IL1RAPL2: variants seen among roughly 807,000 people sequenced by gnomAD.
The protein encoded by IL1RAPL2 is X-linked interleukin-1 receptor accessory protein-like 2.
A neutral mutation model predicts 44.1 loss-of-function variants in IL1RAPL2; 3 were observed. The observed-to-expected ratio is 0.07, with a 90% confidence interval of 0.03 to 0.18. The LOEUF (loss-of-function observed/expected upper bound fraction) is 0.18, where lower values mean the gene tolerates loss of function less well. IL1RAPL2 is among the 10% of genes least tolerant of loss of function. The probability of loss-of-function intolerance (pLI) is 1.00; values close to 1 mark genes in which losing one functional copy is unlikely to be tolerated. For synonymous variants in IL1RAPL2, 181 were observed against 178.8 expected (o/e 1.01, Z -0.10); for missense variants, 391 against 496.4 (o/e 0.79, Z 2.02).
chrX:105,358,399 G>A (rs1482804288), intron 5 of IL1RAPL2, among the ~76,000 whole-genome samples: 1 of 107,595 alleles, frequency 9.3e-6, no homozygotes, highest in Non-Finnish European at 1.9e-5. Context: ...CTGCTAACTG[G>A]GCACAGTGGC....
At chrX:105,512,350 T>G (rs1322828325) in intron 6 of IL1RAPL2, among the ~76,000 whole-genome samples, 2 of 111,311 alleles carry the variant, frequency 1.8e-5, no homozygotes, top group Admixed American at 1.9e-4. Flanking sequence ...TGTTTTCCTG[T>G]AGATAGGAAA....
chrX:104,606,180 A>C (rs1481368693), intron 1 of IL1RAPL2, among the ~76,000 whole-genome samples: 1 of 112,201 alleles, frequency 8.9e-6, no homozygotes, highest in African/African-American at 3.2e-5. Flanking sequence ...GCAAATCAAT[A>C]AACATAATCC....
intron 2 of IL1RAPL2, among the ~76,000 whole-genome samples, chrX:105,033,139 C>T (rs991016378): frequency 1.8e-5 from 2 of 111,388 alleles, no homozygotes; most frequent in African/African-American, 6.5e-5. Context: ...GATGGGTTTC[C>T]TGAATACAGC....
intron 1 of IL1RAPL2, among the ~76,000 whole-genome samples, chrX:104,596,608 T>G (rs1340246649): frequency 9.0e-6 from 1 of 111,341 alleles, no homozygotes; most frequent in Non-Finnish European, 1.9e-5. Context: ...TGTCCCTGCA[T>G]TGTTTGGCTT....
chrX:104,612,624 TTC>T (rs1929185836), intron 1 of IL1RAPL2, among the ~76,000 whole-genome samples: 1 of 111,910 alleles, frequency 8.9e-6, no homozygotes. Context: ...GCCTCCAGCT[TTC>T]TTTTTGTTTA....
At chrX:105,366,544 A>G (rs2035296811) in intron 5 of IL1RAPL2, among the ~76,000 whole-genome samples, 1 of 109,360 alleles carries the variant, frequency 9.1e-6, no homozygotes, top group African/African-American at 3.3e-5. Context: ...TGTTGTTTTC[A>G]TTTTCTTTAT....
chrX:104,568,018 A>G (rs1484676077), intron 1 of IL1RAPL2, among the ~76,000 whole-genome samples: 1 of 112,086 alleles, frequency 8.9e-6, no homozygotes, highest in African/African-American at 3.2e-5. Flanking sequence ...TGCCACCCAC[A>G]AAAGTTGTGA....
intron 5 of IL1RAPL2, among the ~76,000 whole-genome samples, chrX:105,299,234 T>C (rs1481243018): frequency 8.9e-6 from 1 of 112,128 alleles, no homozygotes; most frequent in East Asian, 2.8e-4. Context: ...TTTGGACATA[T>C]GCATGCTTCT....
intron 2 of IL1RAPL2, among the ~76,000 whole-genome samples, chrX:105,142,187 A>T (rs2033131096): frequency 8.9e-6 from 1 of 112,025 alleles, no homozygotes; most frequent in African/African-American, 3.2e-5. Flanking sequence ...CTTAGTCTTT[A>T]TCTCCATCCT....
At chrX:104,984,867 C>T (rs2030530562) in intron 2 of IL1RAPL2, among the ~76,000 whole-genome samples, 1 of 111,156 alleles carries the variant, frequency 9.0e-6, no homozygotes, top group Admixed American at 9.6e-5. Flanking sequence ...CTAAAACTGA[C>T]TGCAAAAAAT....
chrX:105,672,551 G>A (rs924232540), intron 6 of IL1RAPL2, among the ~76,000 whole-genome samples: 2 of 112,586 alleles, frequency 1.8e-5, no homozygotes, highest in South Asian at 7.4e-4. Context: ...CAGCTGAGTC[G>A]GGGTAGAAGT....
At chrX:105,200,732 C>T (rs1469377036) in intron 3 of IL1RAPL2, among the ~76,000 whole-genome samples, 1 of 111,229 alleles carries the variant, frequency 9.0e-6, no homozygotes, top group South Asian at 3.8e-4. Flanking sequence ...GCCAGTATGG[C>T]GAAACCCGGT....
At chrX:105,053,017 A>G (rs778108157) in intron 2 of IL1RAPL2, among the ~76,000 whole-genome samples, 2 of 110,512 alleles carry the variant, frequency 1.8e-5, no homozygotes, top group East Asian at 2.9e-4. Flanking sequence ...GATGATGGCT[A>G]GAATAATCAG....
Position 105,640,658 on chromosome X carries a change from A to G in IL1RAPL2, c.773-76709A>G, listed in dbSNP as rs747508112. Among the ~76,000 whole-genome samples the G allele has an allele frequency of 5.6e-3, 239 of 42,883 alleles. 1 individual carries two copies. The highest frequency in any genetic ancestry group is 9.4e-3 in the South Asian group (10 of 1,059). The allele number at this position is 42,883 out of a possible 115,157, so 37.2% of individuals were successfully genotyped here. ...ACACAAATTATGTATGTGTGTGTAT[A>G]TATATATATATATATATATATATAT... is the stretch of plus-strand genomic sequence containing the variant. On this transcript the variant is annotated intron_variant, in intron 6 of 10. Transcript: ENST00000372582.
chrX:105,686,373 T>A (rs1602521916), intron 6 of IL1RAPL2, among the ~76,000 whole-genome samples: 4 of 19,910 alleles, frequency 2.0e-4, no homozygotes, highest in Non-Finnish European at 3.3e-4. Flanking sequence ...ACCAAGCAAA[T>A]GGAAAGCAAA....
chrX:105,634,162 A>G (rs1030066812), intron 6 of IL1RAPL2, among the ~76,000 whole-genome samples: 7 of 111,202 alleles, frequency 6.3e-5, no homozygotes, highest in Non-Finnish European at 1.3e-4. Context: ...AAATCAATTA[A>G]TCATATTGAC....
intron 1 of IL1RAPL2, among the ~76,000 whole-genome samples, chrX:104,604,814 A>G (rs1928970406): frequency 9.0e-6 from 1 of 110,881 alleles, no homozygotes; most frequent in South Asian, 3.9e-4. Context: ...ACCCAGATTC[A>G]TGAAGCAAGT....
chrX:104,680,766 T>C (rs1459035927), intron 2 of IL1RAPL2, among the ~76,000 whole-genome samples: 2 of 112,104 alleles, frequency 1.8e-5, no homozygotes, highest in East Asian at 5.6e-4. Context: ...ATGAGGGCAG[T>C]CTACTTCCTC....
intron 2 of IL1RAPL2, among the ~76,000 whole-genome samples, chrX:105,032,724 T>C (rs985366311): frequency 9.0e-6 from 1 of 111,599 alleles, no homozygotes; most frequent in Admixed American, 9.6e-5. Context: ...TGGAGAGTTC[T>C]GTAGATATCT....
Sources: gnomAD v4.1 joint callset for allele counts (sites outside exome capture counted in the v4.1 genomes callset) on GRCh38, gnomAD v4.1.1 for gene constraint, MANE v1.5 for transcripts, NCBI Gene and HGNC (gene_info 2026-07-23, HGNC 2026-07-21) for gene names.